RAPGEF4: variants seen among roughly 807,000 people sequenced by gnomAD.
RAPGEF4 encodes the protein RAP guanine-nucleotide-exchange factor (GEF) 4.
In RAPGEF4, 66 loss-of-function variants were observed where a neutral mutation model predicts 147.9. The ratio of observed to expected loss-of-function variants is 0.45; its 90% CI spans 0.37 to 0.55. The LOEUF (loss-of-function observed/expected upper bound fraction) is 0.55, where lower values mean the gene tolerates loss of function less well. Ranked by LOEUF, RAPGEF4 falls within the 20% of genes least tolerant of loss-of-function variation. RAPGEF4 has a pLI of 0.00. For synonymous variants in RAPGEF4, 419 were observed against 442.7 expected, an observed-to-expected ratio of 0.95 and a Z score of 0.67; for missense variants, 1,071 against 1,257.3, an observed-to-expected ratio of 0.85 and a Z score of 2.24.
At chr2:172,946,571 C>T (rs963727662) in intron 6 of RAPGEF4, among the ~76,000 whole-genome samples, 2 of 152,148 alleles carry the variant, frequency 1.3e-5, no homozygotes, top group Admixed American at 6.6e-5. Flanking sequence ...CTTAAACTCC[C>T]GTCTGTGTGA....
At chr2:173,035,144 T>A (rs1244285117) in intron 27 of RAPGEF4, among the ~76,000 whole-genome samples, 1 of 151,742 alleles carries the variant, frequency 6.6e-6, no homozygotes, top group Non-Finnish European at 1.5e-5. Flanking sequence ...AGCCTTGACC[T>A]CTTGGGCTCA....
intron 4 of RAPGEF4, among the ~76,000 whole-genome samples, chr2:172,822,233 A>T (rs1689147912): frequency 6.6e-6 from 1 of 152,210 alleles, no homozygotes. Flanking sequence ...GATCTTAAAT[A>T]TGTTTCTAGA....
intron 15 of RAPGEF4, among the ~76,000 whole-genome samples, chr2:172,991,412 C>A (rs1156764348): frequency 2.0e-5 from 3 of 152,214 alleles, no homozygotes; most frequent in Non-Finnish European, 4.4e-5. Context: ...CCAGAAGCAT[C>A]CATTTGGCCT....
chr2:172,809,231 G>A (rs1020224700), intron 3 of RAPGEF4, among the ~76,000 whole-genome samples: 1 of 152,132 alleles, frequency 6.6e-6, no homozygotes, highest in Non-Finnish European at 1.5e-5. Context: ...GTCTAACCAG[G>A]GGTAGCATGA....
At chr2:172,735,644 C>G (rs964219208), upstream of RAPGEF4, among the ~76,000 whole-genome samples, 3 of 151,928 alleles carry the variant, frequency 2.0e-5, no homozygotes, top group Non-Finnish European at 2.9e-5. Flanking sequence ...CGCAGGTGGC[C>G]GGCCACCGGG....
At chr2:173,006,132 C>G (rs1198557384) in intron 17 of RAPGEF4, among the ~76,000 whole-genome samples, 1 of 152,134 alleles carries the variant, frequency 6.6e-6, no homozygotes, top group African/African-American at 2.4e-5. Context: ...AAACAGGAAG[C>G]CTATAACTCC....
At chr2:173,012,993 C>T (rs1233764899) in intron 17 of RAPGEF4, among the ~76,000 whole-genome samples, 2 of 152,226 alleles carry the variant, frequency 1.3e-5, no homozygotes, top group Non-Finnish European at 2.9e-5. Flanking sequence ...ATCTTTCTTC[C>T]TTTCTTCATT....
chr2:172,833,562 A>G (rs1228430411), intron 4 of RAPGEF4, among the ~76,000 whole-genome samples: 1 of 152,072 alleles, frequency 6.6e-6, no homozygotes, highest in Non-Finnish European at 1.5e-5. Flanking sequence ...ATTTCTTGGC[A>G]GTTGTACTGT....
chr2:172,747,688 C>G (rs1694905833), intron 1 of RAPGEF4, among the ~76,000 whole-genome samples: 1 of 152,116 alleles, frequency 6.6e-6, no homozygotes, highest in African/African-American at 2.4e-5. Flanking sequence ...TGCTCAAACC[C>G]CTGGGCTTAA....
chr2:172,829,050 G>A (rs184990837), intron 4 of RAPGEF4, among the ~76,000 whole-genome samples: 10 of 152,304 alleles, frequency 6.6e-5, no homozygotes, highest in Non-Finnish European at 1.3e-4. Context: ...CTGATTTAGG[G>A]AAAGTGGAGG....
At chr2:172,898,162 T>C (rs1698713658) in intron 4 of RAPGEF4, among the ~76,000 whole-genome samples, 1 of 151,894 alleles carries the variant, frequency 6.6e-6, no homozygotes, top group South Asian at 2.1e-4. Flanking sequence ...GATTTAGAAG[T>C]CAAACATCCA....
At chr2:172,932,149 A>G (rs1032070502) in intron 6 of RAPGEF4, among the ~76,000 whole-genome samples, 1 of 152,326 alleles carries the variant, frequency 6.6e-6, no homozygotes, top group African/African-American at 2.4e-5. Flanking sequence ...GTTACATGGC[A>G]CAAGATATTT....
At chr2:172,762,836 G>A (rs901936445) in intron 1 of RAPGEF4, among the ~76,000 whole-genome samples, 3 of 152,088 alleles carry the variant, frequency 2.0e-5, no homozygotes, top group African/African-American at 7.2e-5. Flanking sequence ...TGGCGAGTGG[G>A]GCCATTGATA....
chr2:173,044,686 A>G (rs1201642972), intron 29 of RAPGEF4, among the ~76,000 whole-genome samples: 3 of 152,126 alleles, frequency 2.0e-5, no homozygotes, highest in African/African-American at 7.2e-5. Flanking sequence ...CCCAAGAAAC[A>G]TCAGTTTAAG....
At chr2:172,947,524 T>C (rs982330360) in intron 6 of RAPGEF4, among the ~76,000 whole-genome samples, 1 of 152,006 alleles carries the variant, frequency 6.6e-6, no homozygotes, top group South Asian at 2.1e-4. Flanking sequence ...TGGAGGTCGG[T>C]GGTGGTAACA....
intron 29 of RAPGEF4, 46 bp downstream of exon 29, chr2:173,036,738 A>T (rs1364726959): frequency 4.2e-6 from 6 of 1,420,368 alleles, no homozygotes; most frequent in Non-Finnish European, 5.8e-6. Flanking sequence ...TTTTAAAATA[A>T]AATTTGCATT....
chr2:173,017,825 GC>G (rs1236659867), intron 21 of RAPGEF4, among the ~76,000 whole-genome samples: 1 of 152,090 alleles, frequency 6.6e-6, no homozygotes, highest in Non-Finnish European at 1.5e-5. Context: ...GGTAGCTGGC[GC>G]CTAGTGGGTG....
At chr2:172,854,736 A>T (rs1312581096) in intron 4 of RAPGEF4, among the ~76,000 whole-genome samples, 1 of 152,102 alleles carries the variant, frequency 6.6e-6, no homozygotes, top group East Asian at 1.9e-4. Flanking sequence ...GGAAGCAGAT[A>T]CCAAGATTGA....
At chr2:172,841,135 T>C (rs543177295) in intron 4 of RAPGEF4, among the ~76,000 whole-genome samples, 34 of 152,348 alleles carry the variant, frequency 2.2e-4, no homozygotes, top group African/African-American at 7.9e-4. Context: ...TTGATCTCAC[T>C]GTTGGAGGTG....
Sources: allele counts gnomAD v4.1 joint callset (sites outside exome capture counted in the v4.1 genomes callset), GRCh38; gene constraint gnomAD v4.1.1; transcripts MANE v1.5; gene names NCBI Gene and HGNC (gene_info 2026-07-23, HGNC 2026-07-21).